Variants in TMC5 observed in about 807,000 individuals in gnomAD.
The protein encoded by TMC5 is transmembrane channel like 5, also known as transmembrane channel-like protein 5.
TMC5 carries 86 observed loss-of-function variants against 110.5 expected under a neutral mutation model. That is an observed-to-expected ratio of 0.78 (90% confidence interval 0.65 to 0.93). TMC5 has a LOEUF of 0.93. Ranked by LOEUF, TMC5 falls within the 40% of genes least tolerant of loss-of-function variation. TMC5 has a pLI of 0.00. For missense variants in TMC5, 1,144 were observed against 1,222.8 expected (o/e 0.94, Z 0.96); for synonymous variants, 455 against 439.5 (o/e 1.04, Z -0.44).
chr16:19,456,003 C>T (rs1021789857), intron 5 of TMC5, among the ~76,000 whole-genome samples: 10 of 151,824 alleles, frequency 6.6e-5, no homozygotes, highest in Non-Finnish European at 1.0e-4. Flanking sequence ...GTCAGGAGAT[C>T]GAGACCATCC....
At chr16:19,466,599 G>T (rs149711135) in intron 9 of TMC5, among the ~76,000 whole-genome samples, 1 of 152,150 alleles carries the variant, frequency 6.6e-6, no homozygotes, top group Non-Finnish European at 1.5e-5. Flanking sequence ...TGGTCCACCC[G>T]CCTCGGCCTC....
intron 4 of TMC5, among the ~76,000 whole-genome samples, chr16:19,445,116 G>A (rs68125905): frequency 0.085 from 12,891 of 152,102 alleles, 1,318 homozygotes; most frequent in African/African-American, 0.25. Flanking sequence ...GCAGTAGAGC[G>A]AGACTCTGTT....
At position 19,449,588 on chromosome 16, in the gene TMC5, A is replaced by G. The variant is rs748900355; in HGVS notation, c.1005A>G (p.Gly335=). 2.5e-6 allele frequency: 4 copies of G among 1,614,196 alleles called. No individual in the cohort carries two copies. The South Asian group carries it at 4.4e-5, about 18-fold the overall frequency. Residue 335 remains glycine (G), a synonymous_variant, in exon 5 of 22, where the codon GGA becomes GGG. Transcript: ENST00000542583. The part of the protein sequence containing the change: ...VGESGPVHAY[G]NPPLSECDWH... ...AAAGTGGTCCTGTCCATGCTTATGG[A>G]AACCCACCATTGTCTGAATGTGATT...
At chr16:19,465,001 GTCTTTCTTTCTTTCTTTCTTTCTT>G (rs71375641) in intron 8 of TMC5, among the ~76,000 whole-genome samples, 819 of 73,446 alleles carry the variant, frequency 0.011, 10 homozygotes, top group South Asian at 0.024. Context: ...CTTTCCTTTT[GTCTTTCTTTCTTTCTTTCTTTCTT>G]TCTTTCTTTC....
In TMC5 at chr16:19,469,960, T is replaced by A. The variant is rs7190497; in HGVS notation, c.1782+135T>A. On this transcript the variant is annotated intron_variant, in intron 10 of 21. Transcript: ENST00000542583. ...CCCAGGCTGGAGTGCAGTGGCGCAA[T>A]CCCGGCTCACTGCAGGCTCCGCCTC... The A allele has an allele frequency of 1.0e-3, 1,014 of 971,460 alleles. 6 individuals carry two copies. The African/African-American group carries it at 0.015, about 14-fold the overall frequency. The allele number at this position is 971,460 out of a possible 1,614,324, so 60.2% of individuals were successfully genotyped here. A position where few individuals can be genotyped will look rare whatever the true frequency, so the allele number is the denominator to read the frequency against.
chr16:19,436,199 C>T (rs756697032), intron 2 of TMC5, among the ~76,000 whole-genome samples: 17 of 132,908 alleles, frequency 1.3e-4, no homozygotes, highest in African/African-American at 1.4e-4. Context: ...GATGGGGGTG[C>T]GGAAGTTGTG....
intron 5 of TMC5, among the ~76,000 whole-genome samples, chr16:19,457,231 A>C (rs1311118865): frequency 6.6e-6 from 1 of 152,196 alleles, no homozygotes; most frequent in Non-Finnish European, 1.5e-5. Context: ...TGCTACAAAA[A>C]AATTTAAAAA....
At chr16:19,423,819 T>C (rs1278609619) in intron 1 of TMC5, among the ~76,000 whole-genome samples, 2 of 152,222 alleles carry the variant, frequency 1.3e-5, no homozygotes, top group African/African-American at 4.8e-5. Context: ...TGGTGCCATC[T>C]TGGCTCACTG....
At chr16:19,442,691 T>G (rs564618645) in intron 3 of TMC5, among the ~76,000 whole-genome samples, 1 of 152,214 alleles carries the variant, frequency 6.6e-6, no homozygotes, top group Admixed American at 6.5e-5. Context: ...TCATGTGAAG[T>G]TGTAACCAAT....
At chr16:19,491,120 C>T (rs183973766) in intron 18 of TMC5, among the ~76,000 whole-genome samples, 17 of 152,214 alleles carry the variant, frequency 1.1e-4, no homozygotes, top group African/African-American at 3.4e-4. Flanking sequence ...AAGCCATCCT[C>T]CCACCTCAGC....
At position 19,490,416 on chromosome 16, in the gene TMC5, T is replaced by A; in HGVS notation, c.2595T>A (p.Cys865Ter). ...CCAGATTGAAGCCTTCAGCTGACTG[T>A]GGCCCTTTTCGAGGTCTGCCTCTCT... Reference protein sequence around the residue: ...TIWRLKPSADCGPFRGLPLFI... With the variant: ...TIWRLKPSAD Residue 865 changes from cysteine to a stop codon, truncating the protein, a stop_gained, in exon 18 of 22, where the codon TGT becomes TGA. Transcript: ENST00000542583. LOFTEE classifies it high-confidence loss of function. 1 of 1,614,186 alleles carries A rather than the reference T, an allele frequency of 6.2e-7. No individual in the cohort carries two copies.
intron 1 of TMC5, among the ~76,000 whole-genome samples, chr16:19,426,990 G>T (rs1967098976): frequency 1.3e-5 from 2 of 152,040 alleles, no homozygotes; most frequent in Non-Finnish European, 2.9e-5. Flanking sequence ...GGACTGATGG[G>T]GTTTTAGCAC....
chr16:19,433,062 A>G (rs998218073), intron 2 of TMC5, among the ~76,000 whole-genome samples: 6 of 152,228 alleles, frequency 3.9e-5, no homozygotes, highest in Admixed American at 6.5e-5. Flanking sequence ...ACATACATAC[A>G]TATATATAAA....
At chr16:19,469,859 G>T in intron 10 of TMC5, 34 bp downstream of exon 10, 1 of 1,611,796 alleles carries the variant, frequency 6.2e-7, no homozygotes, top group Middle Eastern at 1.7e-4. Context: ...TTTGCCATCG[G>T]CTGGTCTCCT....
intron 2 of TMC5, among the ~76,000 whole-genome samples, chr16:19,438,435 G>GAAAGAAAGAAAGAAAGAAAGAAAGAA (rs376582005): frequency 9.0e-4 from 94 of 103,932 alleles, no homozygotes; most frequent in Non-Finnish European, 1.5e-3. Context: ...AAGAAAGAAA[G>GAAAGAAAGAAAGAAAGAAAGAAAGAA]AGAAAGAAAG....
chr16:19,481,480 T>G lies in TMC5; in HGVS notation c.2363+15T>G, dbSNP rs1302688713. 4 of 1,570,964 alleles carry G rather than the reference T, an allele frequency of 2.5e-6. No homozygotes were observed. Among genetic ancestry groups the G allele is most frequent in the Non-Finnish European group, 3.5e-6 (4 of 1,140,662 alleles). The stretch of plus-strand genomic sequence containing the variant: ...ACTCTGGTGTGGTAAGTTTTGTGAC[T>G]CAGCAAAATGCCCAGTGGTTCCCAC... On this transcript the variant is annotated intron_variant, in intron 15 of 21. Coordinates refer to ENST00000542583, the MANE Select transcript of TMC5 (RefSeq NM_001261841.2).
intron 1 of TMC5, among the ~76,000 whole-genome samples, chr16:19,427,963 T>C (rs1967120498): frequency 6.6e-6 from 1 of 152,220 alleles, no homozygotes. Context: ...CGACCAGCTT[T>C]ACATCTAAGG....
intron 1 of TMC5, among the ~76,000 whole-genome samples, chr16:19,424,193 G>A (rs561701253): frequency 6.6e-5 from 10 of 152,314 alleles, no homozygotes; most frequent in African/African-American, 1.9e-4. Flanking sequence ...CTGACCAGCT[G>A]GCTGTAAAGT....
At chr16:19,482,240 T>G (rs1481062880) in intron 15 of TMC5, among the ~76,000 whole-genome samples, 6 of 152,138 alleles carry the variant, frequency 3.9e-5, no homozygotes, top group Admixed American at 3.9e-4. Context: ...GTATTTTTAG[T>G]AGAGATGGGG....
Sources: gnomAD v4.1 joint callset for allele counts (sites outside exome capture counted in the v4.1 genomes callset) on GRCh38, gnomAD v4.1.1 for gene constraint, MANE v1.5 for transcripts, NCBI Gene and HGNC (gene_info 2026-07-23, HGNC 2026-07-21) for gene names.